Variants in DIAPH2 observed in about 807,000 individuals in gnomAD.
DIAPH2 encodes the protein protein diaphanous homolog 2.
In DIAPH2, 35 loss-of-function variants were observed where a neutral mutation model predicts 92.7. The observed-to-expected ratio is 0.38, with a 90% CI of 0.29 to 0.50. DIAPH2 has a LOEUF of 0.50. DIAPH2 is among the 20% of genes least tolerant of loss of function. The pLI is 0.94. For missense variants in DIAPH2, 701 were observed against 819.5 expected, an observed-to-expected ratio of 0.86 and a Z score of 1.77; for synonymous variants, 301 against 280.4, an observed-to-expected ratio of 1.07 and a Z score of -0.73.
At chrX:96,957,119 A>G (rs1463730976) in intron 15 of DIAPH2, among the ~76,000 whole-genome samples, 2 of 112,229 alleles carry the variant, frequency 1.8e-5, no homozygotes, top group Non-Finnish European at 3.8e-5. Flanking sequence ...CTCCTGGGTT[A>G]AAACGATTCT....
chrX:97,563,676 C>T (rs1373893122), intron 26 of DIAPH2, among the ~76,000 whole-genome samples: 1 of 111,204 alleles, frequency 9.0e-6, no homozygotes, highest in African/African-American at 3.3e-5. Flanking sequence ...CTGAGTGGGC[C>T]GAGAAGTGGC....
At chrX:97,550,773 C>T (rs755139446) in intron 26 of DIAPH2, among the ~76,000 whole-genome samples, 2 of 112,024 alleles carry the variant, frequency 1.8e-5, no homozygotes, top group South Asian at 7.5e-4. Context: ...CTAATAATAT[C>T]AATATTTCAT....
rs189302711 is a variant in DIAPH2 at position 96,925,954 on chromosome X, T to A, written c.979-4779T>A. On this transcript the variant is annotated intron_variant, in intron 9 of 26. Coordinates refer to ENST00000324765, the MANE Select transcript of DIAPH2 (RefSeq NM_006729.5). ...TTCACATCTTTCTTCTCTCATACTT[T>A]GACTTAAATCATCTTTGTTCCTAAC... Among the ~76,000 whole-genome samples the A allele has an allele frequency of 1.3e-3, 147 of 112,030 alleles. 1 individual carries two copies. Among genetic ancestry groups the A allele is most frequent in the African/African-American group, 4.6e-3 (142 of 30,914 alleles).
At chrX:97,351,821 A>G (rs983091152) in intron 24 of DIAPH2, among the ~76,000 whole-genome samples, 2 of 110,722 alleles carry the variant, frequency 1.8e-5, no homozygotes, top group African/African-American at 6.5e-5. Context: ...ACAAAACAAA[A>G]AAAAGTGACA....
chrX:97,080,442 G>A (rs1401823991), intron 19 of DIAPH2, among the ~76,000 whole-genome samples: 2 of 109,848 alleles, frequency 1.8e-5, no homozygotes, highest in African/African-American at 6.6e-5. Flanking sequence ...ATGGGACTAT[G>A]CCAGCTTGCT....
intron 26 of DIAPH2, among the ~76,000 whole-genome samples, chrX:97,463,053 G>A (rs1402638452): frequency 1.8e-5 from 2 of 110,870 alleles, no homozygotes; most frequent in African/African-American, 6.6e-5. Flanking sequence ...GGGAATTCAG[G>A]GCAGGATGTA....
chrX:96,847,807 C>G (rs1035790612), intron 4 of DIAPH2, among the ~76,000 whole-genome samples: 9 of 110,833 alleles, frequency 8.1e-5, no homozygotes, highest in African/African-American at 3.0e-4. Flanking sequence ...AGTAGGCCCC[C>G]TTGTCTGTTG....
chrX:97,419,222 G>C (rs145402871), intron 25 of DIAPH2, among the ~76,000 whole-genome samples: 2 of 111,751 alleles, frequency 1.8e-5, no homozygotes, highest in East Asian at 5.6e-4. Context: ...ACCACATCCA[G>C]CAATTAGCAT....
At chrX:96,686,686 T>C (rs1256045354) in intron 1 of DIAPH2, among the ~76,000 whole-genome samples, 1 of 111,384 alleles carries the variant, frequency 9.0e-6, no homozygotes, top group East Asian at 2.8e-4. Flanking sequence ...CTTTTGAGCC[T>C]TACGTGATTT....
chrX:96,735,622 A>G (rs1234799005), intron 1 of DIAPH2, 136 bp from the exon 2 acceptor site: 6 of 421,529 alleles, frequency 1.4e-5, no homozygotes, highest in East Asian at 8.8e-5. Context: ...TATTGTTTAT[A>G]TGTTTGAACT....
chrX:96,736,782 A>G (rs1297599465), intron 2 of DIAPH2, among the ~76,000 whole-genome samples: 4 of 112,131 alleles, frequency 3.6e-5, no homozygotes, highest in Non-Finnish European at 7.5e-5. Context: ...TGGAATATCA[A>G]ATATATATGT....
At chrX:96,780,408 G>A (rs2064407650) in intron 4 of DIAPH2, among the ~76,000 whole-genome samples, 1 of 112,064 alleles carries the variant, frequency 8.9e-6, no homozygotes, top group Admixed American at 9.5e-5. Context: ...GTGTGTGTGT[G>A]CGTGACACTT....
intron 4 of DIAPH2, among the ~76,000 whole-genome samples, chrX:96,764,212 AAG>A (rs1174716377): frequency 9.0e-6 from 1 of 111,313 alleles, no homozygotes; most frequent in Non-Finnish European, 1.9e-5. Context: ...AGAGAGAAGT[AAG>A]GTTGGAGTAA....
intron 16 of DIAPH2, among the ~76,000 whole-genome samples, chrX:96,960,467 C>T (rs2065840228): frequency 9.0e-6 from 1 of 111,131 alleles, no homozygotes; most frequent in South Asian, 3.8e-4. Context: ...TATCCTCCAA[C>T]TTACTGAATT....
intron 4 of DIAPH2, among the ~76,000 whole-genome samples, chrX:96,775,729 C>G (rs2064373395): frequency 9.0e-6 from 1 of 110,975 alleles, no homozygotes; most frequent in Non-Finnish European, 1.9e-5. Flanking sequence ...ATGGCTCTCT[C>G]TCTTAATGGC....
chrX:97,380,432 A>T (rs1484077536), intron 24 of DIAPH2, among the ~76,000 whole-genome samples: 1 of 111,804 alleles, frequency 8.9e-6, no homozygotes, highest in Non-Finnish European at 1.9e-5. Context: ...AGGCTTGACA[A>T]GTACAAAGTA....
intron 22 of DIAPH2, among the ~76,000 whole-genome samples, chrX:97,237,650 T>C (rs1393427161): frequency 1.8e-5 from 2 of 110,628 alleles, no homozygotes; most frequent in South Asian, 3.9e-4. Context: ...GGCGCCATCT[T>C]GGCTCACTGC....
At chrX:96,952,593 G>A (rs2065782993) in intron 15 of DIAPH2, among the ~76,000 whole-genome samples, 1 of 109,894 alleles carries the variant, frequency 9.1e-6, no homozygotes, top group Admixed American at 9.7e-5. Flanking sequence ...AAATTAGCCG[G>A]GAGTGGTGGC....
chrX:97,309,239 C>T (rs1750968503), intron 23 of DIAPH2, among the ~76,000 whole-genome samples: 1 of 109,060 alleles, frequency 9.2e-6, no homozygotes, highest in Non-Finnish European at 1.9e-5. Context: ...GCTGGGATTA[C>T]AGGCATGAAC....
Sources: allele counts gnomAD v4.1 joint callset (sites outside exome capture counted in the v4.1 genomes callset), GRCh38; gene constraint gnomAD v4.1.1; transcripts MANE v1.5; gene names NCBI Gene and HGNC (gene_info 2026-07-23, HGNC 2026-07-21).